Variants in UBE2V1 observed in about 807,000 individuals in gnomAD.
The protein encoded by UBE2V1 is ubiquitin conjugating enzyme E2 V1.
In UBE2V1, 15 loss-of-function variants were observed where a neutral mutation model predicts 19.6. That is an observed-to-expected ratio of 0.77 (90% CI 0.51 to 1.18). The LOEUF (loss-of-function observed/expected upper bound fraction) is 1.18. Ranked by LOEUF, UBE2V1 falls within the 50% of genes most tolerant of loss-of-function variation. UBE2V1 has a pLI of 0.00. For synonymous variants in UBE2V1, 60 were observed against 60.7 expected (o/e 0.99, Z 0.05); for missense variants, 125 against 184.8 (o/e 0.68, Z 1.88).
chr20:50,104,852 G>A (rs1287093392), intron 1 of UBE2V1, among the ~76,000 whole-genome samples: 1 of 151,248 alleles, frequency 6.6e-6, no homozygotes, highest in Non-Finnish European at 1.5e-5. Flanking sequence ...TCAGCCTCCC[G>A]AGTGGCTGGG....
chr20:50,108,710 G>A (rs1342957662), intron 1 of UBE2V1, among the ~76,000 whole-genome samples: 1 of 152,168 alleles, frequency 6.6e-6, no homozygotes, highest in Non-Finnish European at 1.5e-5. Context: ...TAAGGATGAG[G>A]TACTACTTTG....
chr20:50,098,013 A>T (rs2079740909), intron 1 of UBE2V1, among the ~76,000 whole-genome samples: 1 of 152,270 alleles, frequency 6.6e-6, no homozygotes, highest in Non-Finnish European at 1.5e-5. Flanking sequence ...CTAGTAGAAG[A>T]CATATAATGG....
At chr20:50,091,386 A>G (rs866374523) in intron 2 of UBE2V1, among the ~76,000 whole-genome samples, 1 of 148,372 alleles carries the variant, frequency 6.7e-6, no homozygotes, top group Non-Finnish European at 1.5e-5. Context: ...ATTCATATTC[A>G]TTAATCAGTC....
In UBE2V1 at chr20:50,102,282, A is replaced by G. The variant is rs927026019; in HGVS notation, c.23-5462T>C. On this transcript the variant is annotated intron_variant, in intron 1 of 3. Coordinates refer to ENST00000371674, the MANE Select transcript of UBE2V1 (RefSeq NM_001032288.3). ...AACAACAACAACAAAAAACAAAAAA[A>G]CTGGCCTGTACCCAGTACTTCAGAT... Among the ~76,000 whole-genome samples, 154 of 152,332 alleles carry G rather than the reference A, an allele frequency of 1.0e-3. 1 individual carries two copies. The highest frequency in any genetic ancestry group is 3.4e-4 in the African/African-American group (14 of 41,586).
rs983744104 is a variant in UBE2V1 at position 50,094,232 on chromosome 20, A to T, written c.171+2440T>A. 5.4e-4 allele frequency among the ~76,000 whole-genome samples: 73 copies of T among 135,854 alleles called. 1 individual carries two copies. Among genetic ancestry groups the T allele is most frequent in the African/African-American group, 5.4e-4 (19 of 35,242 alleles). 89.1% of individuals were successfully genotyped at this position (135,854 alleles called of 152,430 possible). ...TAATATATAACATATGCATTATATA[A>T]TATATAATGCATTATATAATATATA... On this transcript the variant is annotated intron_variant, in intron 2 of 3. Transcript: ENST00000371674.
At chr20:50,084,531 G>A in intron 2 of UBE2V1, 1 of 548,840 alleles carries the variant, frequency 1.8e-6, no homozygotes, top group Non-Finnish European at 3.5e-6. Context: ...CTGTTTTTAT[G>A]TTAATTTCTC....
At position 50,081,950 on chromosome 20, in the gene UBE2V1, G is replaced by C. The variant is rs1214022611; in HGVS notation, c.*818C>G. 8.4e-6 allele frequency: 2 copies of C among 237,254 alleles called. No homozygotes were observed. The highest frequency in any genetic ancestry group is 2.3e-5 in the African/African-American group (1 of 43,952). The allele number at this position is 237,254 out of a possible 1,614,324, so 14.7% of individuals were successfully genotyped here. A position where few individuals can be genotyped will look rare whatever the true frequency, so the allele number is the denominator to read the frequency against. ...GAGTATGGTTCCAAAACTAAACAAG[G>C]GAGGTCAGAGGCTCTTTCCAACCTT... On this transcript the variant is annotated 3_prime_UTR_variant, in exon 4 of 4. Transcript: ENST00000371674.
chr20:50,091,390 A>G (rs1208415013), intron 2 of UBE2V1, among the ~76,000 whole-genome samples: 1 of 149,300 alleles, frequency 6.7e-6, no homozygotes, highest in Non-Finnish European at 1.5e-5. Context: ...ATATTCATTA[A>G]TCAGTCATAT....
At chr20:50,096,528 A>G (rs770267932) in intron 2 of UBE2V1, 144 bp downstream of exon 2, 1 of 1,567,662 alleles carries the variant, frequency 6.4e-7, no homozygotes. Flanking sequence ...AAATATATAA[A>G]CTGAAACTGG....
At position 50,113,102 on chromosome 20, in the gene UBE2V1, C is replaced by A; in HGVS notation, c.22+5G>T. ...CGGCCGGCCGGGCCCGGCGCCCCCG[C>A]TCACCCGAGCCCGTGGTGGCTGCCA... On this transcript the variant is annotated splice_donor_5th_base_variant and intron_variant, in intron 1 of 3. Coordinates refer to ENST00000371674, the MANE Select transcript of UBE2V1 (RefSeq NM_001032288.3). The A allele has an allele frequency of 1.5e-6, 2 of 1,323,142 alleles. No homozygotes were observed. Among genetic ancestry groups the A allele is most frequent in the African/African-American group, 1.5e-5 (1 of 65,796 alleles). 82.0% of individuals were successfully genotyped at this position (1,323,142 alleles called of 1,614,324 possible).
At position 50,081,523 on chromosome 20, in the gene UBE2V1, C is replaced by T. The variant is rs1369457027; in HGVS notation, c.*1245G>A. 6.5e-6 allele frequency: 1 copy of T among 152,886 alleles called. No homozygotes were observed. Among genetic ancestry groups the T allele is most frequent in the East Asian group, 1.9e-4 (1 of 5,256 alleles). The allele number at this position is 152,886 out of a possible 1,614,324, so 9.5% of individuals were successfully genotyped here. A position where few individuals can be genotyped will look rare whatever the true frequency, so the allele number is the denominator to read the frequency against. On this transcript the variant is annotated 3_prime_UTR_variant, in exon 4 of 4. Transcript: ENST00000371674. ...ACACCGGGTTCCTTCTTAATCCCTG[C>T]TGAGGATCTTGGGAAGCAGCAGCAG...
At chr20:50,084,814 CTT>C (rs768489912) in intron 2 of UBE2V1, 2,646 of 158,130 alleles carry the variant, frequency 0.017, no homozygotes, top group South Asian at 0.042. Flanking sequence ...TCCCTGCAGT[CTT>C]TTTTTTTTTT....
chr20:50,097,445 T>C (rs1434179558), intron 1 of UBE2V1, among the ~76,000 whole-genome samples: 1 of 152,212 alleles, frequency 6.6e-6, no homozygotes, highest in Admixed American at 6.5e-5. Flanking sequence ...GCCTGGCAAG[T>C]AGCTCTTGAA....
intron 3 of UBE2V1, among the ~76,000 whole-genome samples, 200 bp from the exon 4 acceptor site, chr20:50,083,114 T>G (rs6125888): frequency 0.11 from 16,364 of 152,232 alleles, 884 homozygotes; most frequent in Middle Eastern, 0.18. Context: ...TTTTGTGCCC[T>G]GAACCATTAC....
chr20:50,108,005 C>A (rs1480968299), intron 1 of UBE2V1, among the ~76,000 whole-genome samples: 1 of 152,178 alleles, frequency 6.6e-6, no homozygotes, highest in African/African-American at 2.4e-5. Flanking sequence ...AGAGCAAGAT[C>A]AGAGGTGTGT....
intron 1 of UBE2V1, among the ~76,000 whole-genome samples, chr20:50,109,938 T>C (rs2080645336): frequency 6.6e-6 from 1 of 152,178 alleles, no homozygotes. Context: ...ATACAGGAAC[T>C]GAGAAGAACT....
At chr20:50,088,295 T>C (rs959749212) in intron 2 of UBE2V1, among the ~76,000 whole-genome samples, 8 of 151,936 alleles carry the variant, frequency 5.3e-5, no homozygotes, top group African/African-American at 1.7e-4. Context: ...AAAACAGATA[T>C]AAGTAAAAAC....
At chr20:50,091,939 C>T (rs1025810782) in intron 2 of UBE2V1, among the ~76,000 whole-genome samples, 2 of 152,306 alleles carry the variant, frequency 1.3e-5, no homozygotes. Context: ...TCTTTTACTT[C>T]CTACACCCCT....
chr20:50,115,382 C>A (rs1442501507), upstream of UBE2V1: 3 of 1,371,592 alleles, frequency 2.2e-6, no homozygotes, highest in South Asian at 3.9e-5. Context: ...TCACGTGATA[C>A]AAGTTTGCTT....
Sources: gnomAD v4.1 joint callset for allele counts (sites outside exome capture counted in the v4.1 genomes callset) on GRCh38, gnomAD v4.1.1 for gene constraint, MANE v1.5 for transcripts, NCBI Gene and HGNC (gene_info 2026-07-23, HGNC 2026-07-21) for gene names.